Variants in PPP1R12B observed in about 807,000 individuals in gnomAD.
PPP1R12B encodes myosin phosphatase target subunit 2.
In PPP1R12B, 76 loss-of-function variants were observed where a neutral mutation model predicts 126.1. The ratio of observed to expected loss-of-function variants is 0.60; its 90% CI spans 0.50 to 0.73. The LOEUF is 0.73. PPP1R12B is among the 30% of genes least tolerant of loss of function. The pLI, the probability that PPP1R12B is intolerant of heterozygous loss-of-function variation, is 0.00. For synonymous variants in PPP1R12B, 356 were observed against 434.7 expected (o/e 0.82, Z 2.25); for missense variants, 1,052 against 1,205.1 (o/e 0.87, Z 1.88).
chr1:202,493,262 C>G lies in PPP1R12B; in HGVS notation c.2090C>G (p.Pro697Arg), dbSNP rs2148851210. The G allele has an allele frequency of 6.2e-7, 1 of 1,612,880 alleles. No homozygotes were observed. Among genetic ancestry groups the G allele is most frequent in the Non-Finnish European group, 8.5e-7 (1 of 1,179,838 alleles). Reference sequence around the variant, plus strand: ...GAGAAGCATGAGCCCTCAGCAGTTCCAGCAACAGAAGCTGGGGAGGGCCAG... The same window carrying G: ...GAGAAGCATGAGCCCTCAGCAGTTCGAGCAACAGAAGCTGGGGAGGGCCAG... ...SPEKHEPSAV[P>R]ATEAGEGQQP... The change falls in exon 15 of 24, where the codon CCA becomes CGA. Residue 697 changes from proline (P) to arginine (R), a missense_variant. By Grantham distance (103) the Pro-to-Arg change is moderately radical. Transcript: ENST00000608999.
intron 13 of PPP1R12B, among the ~76,000 whole-genome samples, chr1:202,461,521 T>C (rs1336999360): frequency 6.6e-6 from 1 of 152,166 alleles, no homozygotes; most frequent in Non-Finnish European, 1.5e-5. Flanking sequence ...CATTCCTAGC[T>C]TTTCCAGAGC....
At chr1:202,428,502 C>G (rs1669834151) in intron 5 of PPP1R12B, 1 of 198,428 alleles carries the variant, frequency 5.0e-6, no homozygotes. Context: ...GAACCTCCCT[C>G]TGAAGTTTTG....
intron 18 of PPP1R12B, chr1:202,501,919 C>A: frequency 1.0e-6 from 1 of 985,064 alleles, no homozygotes; most frequent in Non-Finnish European, 1.2e-6. Context: ...GAAGGAACGT[C>A]TTCTTGAAGG....
chr1:202,447,484 A>G (rs2148712446), intron 12 of PPP1R12B, among the ~76,000 whole-genome samples: 1 of 152,326 alleles, frequency 6.6e-6, no homozygotes, highest in Non-Finnish European at 1.5e-5. Flanking sequence ...AGGTGCCACT[A>G]TCTCTATTTT....
chr1:202,420,967 C>CTTTTTTTTTTTTTTTTTTT (rs56164548), intron 2 of PPP1R12B, among the ~76,000 whole-genome samples: 1 of 118,568 alleles, frequency 8.4e-6, no homozygotes, highest in African/African-American at 3.4e-5. Flanking sequence ...CCTCTGCCAA[C>CTTTTTTTTTTTTTTTTTTT]TTTTTTTTTT....
rs975458371 is a variant in PPP1R12B at position 202,582,928 on chromosome 1, G to T, written c.*2368G>T. On this transcript the variant is annotated 3_prime_UTR_variant, in exon 24 of 24. Transcript: ENST00000608999. ...AAATAAATAAAAAATCCCAATTACAGAACAGGAGATATGTTTCCTCTGACA... is the reference window on the plus strand; with the variant it reads ...AAATAAATAAAAAATCCCAATTACATAACAGGAGATATGTTTCCTCTGACA... 3.9e-4 allele frequency: 59 copies of T among 152,156 alleles called. No homozygotes were observed. Among genetic ancestry groups the T allele is most frequent in the African/African-American group, 1.3e-3 (56 of 41,530 alleles). 9.4% of individuals were successfully genotyped at this position (152,156 alleles called of 1,614,324 possible). A position where few individuals can be genotyped will look rare whatever the true frequency, so the allele number is the denominator to read the frequency against.
chr1:202,589,526 G>C lies in PPP1R12B; in HGVS notation c.*8966G>C, dbSNP rs936520947. 1 of 152,276 alleles carries C rather than the reference G, an allele frequency of 6.6e-6. No individual in the cohort carries two copies. Among genetic ancestry groups the C allele is most frequent in the Non-Finnish European group, 1.5e-5 (1 of 68,126 alleles). The allele number at this position is 152,276 out of a possible 1,614,324, so 9.4% of individuals were successfully genotyped here. On this transcript the variant is annotated 3_prime_UTR_variant, in exon 24 of 24. Transcript: ENST00000608999. ...GGCAAAGAAGCATGACCGATGCAAA[G>C]GGTTCCTAGACTGCAAATGTCATTT... is the stretch of plus-strand genomic sequence containing the variant.
intron 1 of PPP1R12B, among the ~76,000 whole-genome samples, chr1:202,384,497 A>T (rs1467204820): frequency 6.6e-6 from 1 of 152,246 alleles, no homozygotes; most frequent in African/African-American, 2.4e-5. Flanking sequence ...ACTGTCTAGA[A>T]AAGACAAATC....
At chr1:202,482,552 T>A (rs1188741750) in intron 13 of PPP1R12B, among the ~76,000 whole-genome samples, 1 of 152,248 alleles carries the variant, frequency 6.6e-6, no homozygotes, top group African/African-American at 2.4e-5. Context: ...GAAGTAAATG[T>A]CTGTTAAGGT....
intron 9 of PPP1R12B, among the ~76,000 whole-genome samples, chr1:202,435,706 A>G (rs1670715745): frequency 6.6e-6 from 1 of 152,226 alleles, no homozygotes; most frequent in South Asian, 2.1e-4. Context: ...GAAGCTGTTG[A>G]AAAAGCTCTG....
At chr1:202,504,915 C>T (rs1422680804) in intron 18 of PPP1R12B, among the ~76,000 whole-genome samples, 4 of 152,188 alleles carry the variant, frequency 2.6e-5, no homozygotes, top group African/African-American at 9.7e-5. Flanking sequence ...GAGATGATTA[C>T]AATCCATTTA....
chr1:202,434,695 A>G lies in PPP1R12B; in HGVS notation c.1181A>G (p.Glu394Gly). The G allele has an allele frequency of 1.2e-6, 2 of 1,613,644 alleles. No individual in the cohort carries two copies. Among genetic ancestry groups the G allele is most frequent in the Non-Finnish European group, 1.7e-6 (2 of 1,179,896 alleles). Residue 394 changes from glutamate (E) to glycine (G), a missense_variant, in exon 9 of 24, where the codon GAA (glutamate) becomes GGA (glycine). Glu to Gly is a moderately conservative substitution (Grantham distance 98, BLOSUM62 -2). Coordinates refer to ENST00000608999, the MANE Select transcript of PPP1R12B (RefSeq NM_002481.4). ...GCCTTTGTCAATCATTCCAACTCTG[A>G]AAGCAAGAGTAGTATCACAGAGCAG... ...PEAFVNHSNS[E>G]SKSSITEQIP...
chr1:202,460,734 T>A (rs909690948), intron 13 of PPP1R12B, among the ~76,000 whole-genome samples: 34 of 152,338 alleles, frequency 2.2e-4, no homozygotes, highest in Admixed American at 2.0e-3. Context: ...TTCTACTATA[T>A]TACAATTCTG....
At chr1:202,412,702 G>A (rs1467990130) in intron 1 of PPP1R12B, among the ~76,000 whole-genome samples, 1 of 152,070 alleles carries the variant, frequency 6.6e-6, no homozygotes, top group Non-Finnish European at 1.5e-5. Context: ...ATTACTAAGG[G>A]CAAAGAGTGT....
At chr1:202,378,080 C>T (rs528314123) in intron 1 of PPP1R12B, among the ~76,000 whole-genome samples, 2 of 151,774 alleles carry the variant, frequency 1.3e-5, no homozygotes, top group South Asian at 2.1e-4. Flanking sequence ...CCTCGTGATC[C>T]GCCCGCCTCA....
chr1:202,573,287 C>G (rs1163448512), intron 23 of PPP1R12B, among the ~76,000 whole-genome samples: 1 of 152,164 alleles, frequency 6.6e-6, no homozygotes, highest in Non-Finnish European at 1.5e-5. Context: ...CCAATGGCTA[C>G]ATGAGACAGT....
intron 14 of PPP1R12B, 129 bp downstream of exon 14, chr1:202,488,752 T>A: frequency 1.2e-6 from 1 of 844,356 alleles, no homozygotes; most frequent in Admixed American, 2.6e-5. Context: ...CGCTCACGGC[T>A]TGGCGTGGTG....
chr1:202,445,245 C>T (rs926883553), intron 12 of PPP1R12B: 41 of 1,242,988 alleles, frequency 3.3e-5, no homozygotes, highest in Non-Finnish European at 4.2e-5. Context: ...CTTCTTGAAG[C>T]CATTTGAGTT....
In PPP1R12B at chr1:202,587,450, G is replaced by T. The variant is rs1286319155; in HGVS notation, c.*6890G>T. ...TTTAGGCCCGTATGACTCCTCCATA[G>T]CCTGGCCAAGGAGACCATGAGTAGC... is the stretch of plus-strand genomic sequence containing the variant. On this transcript the variant is annotated 3_prime_UTR_variant, in exon 24 of 24. Coordinates refer to ENST00000608999, the MANE Select transcript of PPP1R12B (RefSeq NM_002481.4). The T allele has an allele frequency of 1.3e-5, 2 of 152,158 alleles. No homozygotes were observed. Among genetic ancestry groups the T allele is most frequent in the African/African-American group, 4.8e-5 (2 of 41,424 alleles). The allele number at this position is 152,158 out of a possible 1,614,324, so 9.4% of individuals were successfully genotyped here.
Sources: gnomAD v4.1 joint callset for allele counts (sites outside exome capture counted in the v4.1 genomes callset) on GRCh38, gnomAD v4.1.1 for gene constraint, MANE v1.5 for transcripts, NCBI Gene and HGNC (gene_info 2026-07-23, HGNC 2026-07-21) for gene names.